The following MRTFB variants were observed in gnomAD, a reference collection of about 807,000 sequenced individuals.
MRTFB encodes the protein myocardin-related transcription factor B.
MRTFB carries 29 observed loss-of-function variants against 104.2 expected under a neutral mutation model. The ratio of observed to expected loss-of-function variants is 0.28; its 90% CI spans 0.21 to 0.38. The LOEUF is 0.38. MRTFB is among the 10% of genes least tolerant of loss of function. MRTFB has a pLI of 1.00. For synonymous variants in MRTFB, 535 were observed against 519.5 expected (o/e 1.03, Z -0.41); for missense variants, 1,270 against 1,341.6 (o/e 0.95, Z 0.83).
intron 3 of MRTFB, among the ~76,000 whole-genome samples, chr16:14,185,683 A>G (rs980994313): frequency 1.3e-5 from 2 of 152,298 alleles, no homozygotes; most frequent in South Asian, 4.1e-4. Context: ...TTTGAAAAAA[A>G]AAAAAGGACA....
At chr16:14,114,244 A>G (rs1319524870) in intron 2 of MRTFB, among the ~76,000 whole-genome samples, 1 of 152,218 alleles carries the variant, frequency 6.6e-6, no homozygotes, top group African/African-American at 2.4e-5. Flanking sequence ...GTGCTTTACA[A>G]AGTTGGCAGC....
intron 3 of MRTFB, among the ~76,000 whole-genome samples, chr16:14,173,895 A>AT (rs1272577698): frequency 6.6e-6 from 1 of 151,756 alleles, no homozygotes; most frequent in Non-Finnish European, 1.5e-5. Flanking sequence ...CAAAACAACT[A>AT]TTTTTTTTAG....
chr16:13,996,474 G>T, the MRTFB span, among the ~76,000 whole-genome samples: 1 of 152,128 alleles, frequency 6.6e-6, no homozygotes, highest in African/African-American at 2.4e-5. Context: ...AAAACATTTA[G>T]CCTCCCTTCT....
At chr16:14,163,692 G>A (rs2039124669) in intron 3 of MRTFB, among the ~76,000 whole-genome samples, 1 of 151,990 alleles carries the variant, frequency 6.6e-6, no homozygotes, top group Admixed American at 6.6e-5. Context: ...AATTAGCCAG[G>A]TGTGGTGGCG....
At chr16:14,228,895 G>A (rs2042132892) in intron 8 of MRTFB, among the ~76,000 whole-genome samples, 1 of 152,144 alleles carries the variant, frequency 6.6e-6, no homozygotes, top group African/African-American at 2.4e-5. Flanking sequence ...AAAAGAAAAT[G>A]ATGATTGCCT....
chr16:14,090,942 T>C (rs1169818392), intron 2 of MRTFB, among the ~76,000 whole-genome samples: 1 of 147,388 alleles, frequency 6.8e-6, no homozygotes, highest in Non-Finnish European at 1.5e-5. Flanking sequence ...AGTCACAGCA[T>C]AAAATAGGAG....
intron 3 of MRTFB, among the ~76,000 whole-genome samples, chr16:14,175,335 T>C (rs2150986831): frequency 1.3e-5 from 2 of 152,330 alleles, no homozygotes; most frequent in Middle Eastern, 3.4e-3. Flanking sequence ...TCCATCTCAG[T>C]CTCTAGGCAA....
At position 14,248,951 on chromosome 16, in the gene MRTFB, C is replaced by G. The variant is rs1332833290; in HGVS notation, c.2273C>G (p.Thr758Ser). ...LQTSPQAGMQ[T>S]QPQIATAAQI... ...ACTTCACCACAAGCAGGAATGCAGA[C>G]TCAGCCTCAGATAGCAACTGCTGCA... is the stretch of plus-strand genomic sequence containing the variant. The change falls in exon 13 of 17, where the codon ACT becomes AGT. Residue 758 changes from threonine to serine, a missense_variant. Coordinates refer to ENST00000571589, the MANE Select transcript of MRTFB (RefSeq NM_001308142.2). 1 of 1,614,120 alleles carries G rather than the reference C, an allele frequency of 6.2e-7. No individual in the cohort carries two copies. Among genetic ancestry groups the G allele is most frequent in the South Asian group, 1.1e-5 (1 of 91,064 alleles).
intron 3 of MRTFB, among the ~76,000 whole-genome samples, chr16:14,174,688 C>T (rs2039526479): frequency 6.6e-6 from 1 of 151,860 alleles, no homozygotes; most frequent in Admixed American, 6.6e-5. Flanking sequence ...GCTCCCCACC[C>T]CCCAGAAAAA....
At chr16:14,075,834 T>TA (rs1214241999) in intron 1 of MRTFB, among the ~76,000 whole-genome samples, 1 of 152,238 alleles carries the variant, frequency 6.6e-6, no homozygotes, top group African/African-American at 2.4e-5. Context: ...AGAGAAAACT[T>TA]AGACTCTGGT....
At chr16:14,210,538 C>A (rs1259570105) in intron 4 of MRTFB, among the ~76,000 whole-genome samples, 1 of 152,154 alleles carries the variant, frequency 6.6e-6, no homozygotes, top group African/African-American at 2.4e-5. Flanking sequence ...ACACAGAACA[C>A]CTTTACACTG....
At chr16:14,154,531 G>A (rs2038755091) in intron 3 of MRTFB, among the ~76,000 whole-genome samples, 1 of 152,226 alleles carries the variant, frequency 6.6e-6, no homozygotes, top group South Asian at 2.1e-4. Flanking sequence ...GGTATATGTG[G>A]TATAATAGTT....
At chr16:14,155,751 G>A (rs576526427) in intron 3 of MRTFB, among the ~76,000 whole-genome samples, 15 of 152,244 alleles carry the variant, frequency 9.9e-5, no homozygotes, top group African/African-American at 3.1e-4. Context: ...GTTGCAGTTC[G>A]AACGTTTCCC....
At chr16:14,094,544 T>C (rs900698216) in intron 2 of MRTFB, among the ~76,000 whole-genome samples, 7 of 152,224 alleles carry the variant, frequency 4.6e-5, no homozygotes, top group Admixed American at 1.3e-4. Flanking sequence ...ATGCTCCCTA[T>C]TGAATAATCT....
At chr16:14,066,118 A>C in the MRTFB span, among the ~76,000 whole-genome samples, 1 of 152,144 alleles carries the variant, frequency 6.6e-6, no homozygotes, top group Admixed American at 6.6e-5. Flanking sequence ...TGCTTAATAC[A>C]TTTTTTATTG....
rs1326164267 is a variant in MRTFB at position 14,246,688 on chromosome 16, C to G, written c.1428C>G (p.Ser476Arg). ...PVTTLHNTVT[S>R]SVSTLKAELP... ...CAACACTACACAACACTGTGACTAG[C>G]TCAGTCTCTACTCTCAAGGCAGAAT... Residue 476 changes from serine to arginine, a missense_variant, in exon 12 of 17, where the codon AGC becomes AGG. Ser to Arg is a moderately radical substitution (Grantham distance 110). This residue lies in a region of MRTFB where 1,144 missense variants were observed against 1,131.5 expected (regional missense o/e 1.01). Transcript: ENST00000571589. 6.2e-7 allele frequency: 1 copy of G among 1,614,172 alleles called. No homozygotes were observed. Among genetic ancestry groups the G allele is most frequent in the Non-Finnish European group, 8.5e-7 (1 of 1,180,032 alleles).
At chr16:14,058,712 GTTT>G in the MRTFB span, among the ~76,000 whole-genome samples, 49 of 86,854 alleles carry the variant, frequency 5.6e-4, no homozygotes, top group East Asian at 7.2e-3. Flanking sequence ...ATTTGTATTT[GTTT>G]TTTTTTTTTT....
chr16:14,251,636 C>T (rs562214604), intron 13 of MRTFB, among the ~76,000 whole-genome samples: 1 of 152,194 alleles, frequency 6.6e-6, no homozygotes, highest in African/African-American at 2.4e-5. Flanking sequence ...TTTATTGGCA[C>T]ACAGCCACAC....
chr16:14,006,614 C>T, the MRTFB span, among the ~76,000 whole-genome samples: 4 of 151,980 alleles, frequency 2.6e-5, no homozygotes, highest in African/African-American at 7.2e-5. Context: ...TGTCTTTCTG[C>T]GTTCGCTGCC....
Sources: gnomAD v4.1 joint callset for allele counts (sites outside exome capture counted in the v4.1 genomes callset) on GRCh38, gnomAD v4.1.1 for gene constraint, gnomAD v4.1.1 regional missense constraint, MANE v1.5 for transcripts, NCBI Gene and HGNC (gene_info 2026-07-23, HGNC 2026-07-21) for gene names.